Variants in NTNG1 observed in about 807,000 individuals in gnomAD.
NTNG1 encodes the protein netrin-G1.
NTNG1 carries 16 observed loss-of-function variants against 54.0 expected under a neutral mutation model. The ratio of observed to expected loss-of-function variants is 0.30; its 90% CI spans 0.20 to 0.45. The LOEUF (loss-of-function observed/expected upper bound fraction) is 0.45. Ranked by LOEUF, NTNG1 falls within the 20% of genes least tolerant of loss-of-function variation. NTNG1 has a pLI of 1.00. For synonymous variants in NTNG1, 255 were observed against 263.1 expected, an observed-to-expected ratio of 0.97 and a Z score of 0.30; for missense variants, 530 against 678.7, an observed-to-expected ratio of 0.78 and a Z score of 2.43.
At chr1:107,462,627 C>T (rs1194693516) in intron 7 of NTNG1, among the ~76,000 whole-genome samples, 2 of 152,156 alleles carry the variant, frequency 1.3e-5, no homozygotes, top group East Asian at 3.8e-4. Flanking sequence ...TTTAATTTCC[C>T]AAACAGGAAG....
chr1:107,366,232 T>C lies in NTNG1; in HGVS notation c.888-28922T>C, dbSNP rs76334294. 4.9e-4 allele frequency among the ~76,000 whole-genome samples: 74 copies of C among 152,292 alleles called. No individual in the cohort carries two copies. The East Asian group carries it at 0.014, about 29-fold the overall frequency. ...CACACAACAAATTGTTCCCTTTCAG[T>C]GTGGCACAGTAGAGAGAAAAGAGCA... On this transcript the variant is annotated intron_variant, in intron 3 of 7. Transcript: ENST00000370068.
chr1:107,366,166 C>T (rs181961394), intron 3 of NTNG1, among the ~76,000 whole-genome samples: 262 of 152,208 alleles, frequency 1.7e-3, no homozygotes, highest in African/African-American at 5.6e-3. Context: ...GTAACCATGT[C>T]CACTCAGAAG....
chr1:107,253,580 G>T (rs1233571768), intron 2 of NTNG1, among the ~76,000 whole-genome samples: 1 of 152,070 alleles, frequency 6.6e-6, no homozygotes, highest in Non-Finnish European at 1.5e-5. Flanking sequence ...ATTTGTTGGG[G>T]CATGTATAAT....
At chr1:107,155,976 T>G (rs570827748) in intron 2 of NTNG1, among the ~76,000 whole-genome samples, 17 of 152,298 alleles carry the variant, frequency 1.1e-4, no homozygotes, top group Admixed American at 7.8e-4. Flanking sequence ...GCTTGTAGCC[T>G]AGGAGCAATA....
intron 2 of NTNG1, chr1:107,260,667 T>A (rs1427665275): frequency 6.6e-6 from 1 of 152,222 alleles, no homozygotes; most frequent in Non-Finnish European, 1.5e-5. Context: ...TACTCCTGTT[T>A]GACATTCTCC....
intron 3 of NTNG1, among the ~76,000 whole-genome samples, chr1:107,349,112 C>T (rs1319596253): frequency 6.6e-6 from 1 of 152,124 alleles, no homozygotes; most frequent in Admixed American, 6.6e-5. Flanking sequence ...TCCTCAGTTG[C>T]CAAGCTTGTT....
chr1:107,224,281 G>A (rs1660537614), intron 2 of NTNG1, among the ~76,000 whole-genome samples: 1 of 152,136 alleles, frequency 6.6e-6, no homozygotes, highest in Non-Finnish European at 1.5e-5. Flanking sequence ...AGATCTGATT[G>A]AGGATGTAAA....
intron 2 of NTNG1, among the ~76,000 whole-genome samples, chr1:107,303,877 G>C (rs908233943): frequency 5.3e-5 from 8 of 151,498 alleles, no homozygotes; most frequent in African/African-American, 1.7e-4. Context: ...AGTACAAACG[G>C]GGTTTCACCA....
chr1:107,227,480 T>A (rs967710174), intron 2 of NTNG1, among the ~76,000 whole-genome samples: 1 of 152,114 alleles, frequency 6.6e-6, no homozygotes, highest in African/African-American at 2.4e-5. Flanking sequence ...TTGTGTGCCT[T>A]TATTATTCCT....
intron 7 of NTNG1, among the ~76,000 whole-genome samples, chr1:107,460,146 A>G (rs1677195279): frequency 6.6e-6 from 1 of 152,194 alleles, no homozygotes; most frequent in African/African-American, 2.4e-5. Context: ...CGTTTCCTCA[A>G]GGGCAGAGTT....
At chr1:107,439,155 A>G (rs1030780986) in intron 7 of NTNG1, among the ~76,000 whole-genome samples, 1 of 152,160 alleles carries the variant, frequency 6.6e-6, no homozygotes, top group African/African-American at 2.4e-5. Flanking sequence ...GAAGCCCAAC[A>G]TGGGGAGTAA....
rs2101090474 is a variant in NTNG1 at position 107,395,396 on chromosome 1, A to T, written c.1060+70A>T. Reference sequence around the variant, plus strand: ...GTGATAGTTCCTCTCAATTTTGCTTACAATTGTGATTTTATTCCTCTTACC... The same window carrying T: ...GTGATAGTTCCTCTCAATTTTGCTTTCAATTGTGATTTTATTCCTCTTACC... On this transcript the variant is annotated intron_variant, in intron 4 of 7. Coordinates refer to ENST00000370068, the MANE Select transcript of NTNG1 (RefSeq NM_001113226.3). The T allele has an allele frequency of 9.3e-6, 13 of 1,401,136 alleles. No individual in the cohort carries two copies. In the South Asian group the frequency reaches 1.3e-4, roughly 14 times the overall value. The allele number at this position is 1,401,136 out of a possible 1,614,324, so 86.8% of individuals were successfully genotyped here.
At chr1:107,463,741 A>G (rs1677426794) in intron 7 of NTNG1, among the ~76,000 whole-genome samples, 3 of 152,146 alleles carry the variant, frequency 2.0e-5, no homozygotes, top group Admixed American at 2.0e-4. Context: ...CAGTCTATAT[A>G]AGGCAAGAGC....
chr1:107,430,793 T>C lies in NTNG1; in HGVS notation c.1131T>C (p.Asp377=). 1 of 1,613,336 alleles carries C rather than the reference T, an allele frequency of 6.2e-7. No individual in the cohort carries two copies. Among genetic ancestry groups the C allele is most frequent in the South Asian group, 1.1e-5 (1 of 91,056 alleles). The change falls in exon 6 of 8, where the codon GAT becomes GAC. Residue 377 remains aspartate, a synonymous_variant. Coordinates refer to ENST00000370068, the MANE Select transcript of NTNG1 (RefSeq NM_001113226.3). ...ACTCCAATCGATGCAGTTATATCGA[T>C]CTGCTAAATACAGTCATTTGCGTGA... The part of the protein sequence containing the change: ...FGHSNRCSYI[D]LLNTVICVSC...
rs138095574 is a variant in NTNG1 at position 107,480,492 on chromosome 1, A to T, written c.1391-119A>T. On this transcript the variant is annotated intron_variant, in intron 7 of 7. Coordinates refer to ENST00000370068, the MANE Select transcript of NTNG1 (RefSeq NM_001113226.3). ...TCGTTTGTGGAGGGGAGGGGGGAGC[A>T]CAAAGATCGATAGAGATTTTTTTTT... 35 of 655,060 alleles carry T rather than the reference A, an allele frequency of 5.3e-5. No individual in the cohort carries two copies. The Admixed American group carries it at 5.8e-4, about 11-fold the overall frequency. The allele number at this position is 655,060 out of a possible 1,614,324, so 40.6% of individuals were successfully genotyped here.
chr1:107,173,483 T>C (rs1656407115), intron 2 of NTNG1, among the ~76,000 whole-genome samples: 1 of 152,122 alleles, frequency 6.6e-6, no homozygotes, highest in African/African-American at 2.4e-5. Flanking sequence ...GACAACAAAG[T>C]ATGATCCACA....
At chr1:107,194,361 G>A (rs549265266) in intron 2 of NTNG1, among the ~76,000 whole-genome samples, 1 of 152,060 alleles carries the variant, frequency 6.6e-6, no homozygotes, top group Non-Finnish European at 1.5e-5. Context: ...TTATTCCTTA[G>A]TTAATTACAT....
At chr1:107,399,654 T>G (rs1030143188) in intron 4 of NTNG1, among the ~76,000 whole-genome samples, 7 of 148,752 alleles carry the variant, frequency 4.7e-5, no homozygotes, top group African/African-American at 1.5e-4. Flanking sequence ...ATACTACTAT[T>G]TTAATTTTAA....
intron 2 of NTNG1, among the ~76,000 whole-genome samples, chr1:107,288,442 A>G (rs1557871789): frequency 2.0e-5 from 3 of 152,178 alleles, no homozygotes; most frequent in African/African-American, 7.2e-5. Flanking sequence ...CAAGAAATAT[A>G]TAACATGAAT....
Sources: gnomAD v4.1 joint callset for allele counts (sites outside exome capture counted in the v4.1 genomes callset) on GRCh38, gnomAD v4.1.1 for gene constraint, MANE v1.5 for transcripts, NCBI Gene and HGNC (gene_info 2026-07-23, HGNC 2026-07-21) for gene names.